The following STK32A variants were observed in gnomAD, a reference collection of about 807,000 sequenced individuals.
STK32A encodes the protein serine/threonine-protein kinase 32A.
Under a neutral mutation model 53.2 loss-of-function variants are expected in STK32A, and 41 were observed. The ratio of observed to expected loss-of-function variants is 0.77; its 90% confidence interval spans 0.60 to 1.00. STK32A has a LOEUF of 1.00. Among genes scored for constraint, STK32A ranks in the 50% least tolerant of loss-of-function variants. STK32A has a pLI of 0.00. For missense variants in STK32A, 458 were observed against 485.8 expected (o/e 0.94, Z 0.54); for synonymous variants, 166 against 162.8 (o/e 1.02, Z -0.15).
chr5:147,263,104 G>A (rs548650693), intron 2 of STK32A, among the ~76,000 whole-genome samples: 44 of 152,184 alleles, frequency 2.9e-4, no homozygotes, highest in Non-Finnish European at 5.4e-4. Context: ...TGGAGGGATC[G>A]GGTAGATAAA....
chr5:147,326,106 C>T (rs1754574188), intron 5 of STK32A, among the ~76,000 whole-genome samples: 3 of 152,166 alleles, frequency 2.0e-5, no homozygotes, highest in African/African-American at 7.2e-5. Flanking sequence ...GAGGGAAAAA[C>T]AACAACAAAA....
chr5:147,279,129 A>G (rs1038867987), intron 3 of STK32A, 118 bp from the exon 4 acceptor site: 1 of 877,514 alleles, frequency 1.1e-6, no homozygotes, highest in Non-Finnish European at 1.6e-6. Context: ...TTTTAACATC[A>G]TATAATTTGC....
the STK32A span, among the ~76,000 whole-genome samples, chr5:147,400,459 A>T: frequency 6.6e-6 from 1 of 152,244 alleles, no homozygotes; most frequent in Non-Finnish European, 1.5e-5. Context: ...TCTGGTTCCT[A>T]GTCCTAACAG....
intron 4 of STK32A, among the ~76,000 whole-genome samples, chr5:147,294,676 TTTTTC>T: frequency 6.9e-6 from 1 of 145,890 alleles, no homozygotes; most frequent in East Asian, 2.1e-4. Flanking sequence ...AGTCATTTTT[TTTTTC>T]TTTTTTCTTT....
At chr5:147,339,840 C>T (rs531376737) in intron 5 of STK32A, among the ~76,000 whole-genome samples, 20 of 152,072 alleles carry the variant, frequency 1.3e-4, no homozygotes, top group African/African-American at 4.4e-4. Context: ...AGTGTATTTA[C>T]CCACTGCCTG....
chr5:147,307,209 CCTT>C (rs1355628671), intron 4 of STK32A, among the ~76,000 whole-genome samples: 2 of 151,866 alleles, frequency 1.3e-5, no homozygotes, highest in African/African-American at 4.8e-5. Flanking sequence ...CAATCTCTGA[CCTT>C]CTTTTTCACT....
chr5:147,335,483 G>A (rs1198069623), intron 5 of STK32A, among the ~76,000 whole-genome samples: 1 of 152,080 alleles, frequency 6.6e-6, no homozygotes, highest in Non-Finnish European at 1.5e-5. Context: ...TCCTCAGCTT[G>A]TTCCTCCATG....
rs757212067 is a variant in STK32A, at chr5:147,385,832, GTGTCACA to G, written c.*1850_*1856del. On this transcript the variant is annotated 3_prime_UTR_variant, in exon 13 of 13. Transcript: ENST00000397936. The stretch of plus-strand genomic sequence containing the variant: ...ACCTGTCCTTACTTATGGAGAGCAT[GTGTCACA>G]CCAAGATGGCAGTAAGCTGGCAACT... 1.3e-5 allele frequency: 2 copies of G among 152,202 alleles called. No individual in the cohort carries two copies. The highest frequency in any genetic ancestry group is 2.9e-5 in the Non-Finnish European group (2 of 68,042). The allele number at this position is 152,202 out of a possible 1,614,324, so 9.4% of individuals were successfully genotyped here. A position where few individuals can be genotyped will look rare whatever the true frequency, so the allele number is the denominator to read the frequency against.
At chr5:147,263,142 C>A (rs1349604043) in intron 2 of STK32A, among the ~76,000 whole-genome samples, 3 of 152,198 alleles carry the variant, frequency 2.0e-5, no homozygotes, top group Non-Finnish European at 4.4e-5. Flanking sequence ...GGCACCCAGC[C>A]TCCTCTTCCC....
At chr5:147,355,772 A>ATGTGTG (rs1181116539) in intron 7 of STK32A, among the ~76,000 whole-genome samples, 36 of 130,326 alleles carry the variant, frequency 2.8e-4, no homozygotes, top group Admixed American at 1.2e-3. Context: ...ATGTATATGT[A>ATGTGTG]TGTGTGTGAG....
chr5:147,362,280 C>T (rs972882798), intron 8 of STK32A, among the ~76,000 whole-genome samples: 3 of 152,176 alleles, frequency 2.0e-5, no homozygotes, highest in African/African-American at 7.2e-5. Context: ...GCTTAAATAA[C>T]AGACATCTAT....
At position 147,271,000 on chromosome 5, in the gene STK32A, A is replaced by AT. The variant is rs10590732; in HGVS notation, c.53-7109dup. ...AAAGTAGTTTTGGTAATCATAGATA[A>AT]TTTTTTTTTTTTTTTGACGGTGTCT... On this transcript the variant is annotated intron_variant, in intron 2 of 12. Transcript: ENST00000397936. 8.4e-3 allele frequency among the ~76,000 whole-genome samples: 1,247 copies of AT among 148,596 alleles called. 20 individuals are homozygous for AT. The highest frequency in any genetic ancestry group is 0.027 in the African/African-American group (1,092 of 40,450).
intron 4 of STK32A, among the ~76,000 whole-genome samples, chr5:147,316,124 T>C (rs1269849649): frequency 6.6e-6 from 1 of 152,122 alleles, no homozygotes; most frequent in Non-Finnish European, 1.5e-5. Context: ...GTTGATACTG[T>C]TATTTTGAAA....
chr5:147,317,560 C>T (rs1393978572), intron 4 of STK32A, among the ~76,000 whole-genome samples: 1 of 151,896 alleles, frequency 6.6e-6, no homozygotes, highest in East Asian at 1.9e-4. Flanking sequence ...CTCCTGACCT[C>T]GTGATCCACC....
chr5:147,393,005 T>C, the STK32A span: 1 of 152,174 alleles, frequency 6.6e-6, no homozygotes, highest in East Asian at 1.9e-4. Context: ...ATCGAGAGAA[T>C]CAAACACAAA....
chr5:147,374,987 G>T, intron 10 of STK32A, 103 bp from the exon 11 acceptor site: 1 of 1,043,192 alleles, frequency 9.6e-7, no homozygotes, highest in Non-Finnish European at 1.3e-6. Context: ...TATTATTCAT[G>T]GACTGCTCCG....
intron 5 of STK32A, among the ~76,000 whole-genome samples, chr5:147,327,543 C>G (rs2151979785): frequency 6.6e-6 from 1 of 152,286 alleles, no homozygotes; most frequent in Admixed American, 6.5e-5. Context: ...GTAGAAGATT[C>G]AAAATTACCC....
chr5:147,258,155 AC>A (rs1045940552), intron 2 of STK32A, among the ~76,000 whole-genome samples: 2 of 149,248 alleles, frequency 1.3e-5, no homozygotes, highest in African/African-American at 5.0e-5. Flanking sequence ...ACTCTTTTTA[AC>A]CTTTTATAAT....
chr5:147,286,754 A>T (rs988757388), intron 4 of STK32A, among the ~76,000 whole-genome samples: 3 of 152,084 alleles, frequency 2.0e-5, no homozygotes, highest in Non-Finnish European at 4.4e-5. Context: ...TTTTATTGTC[A>T]CTAACAAATA....
Sources: allele counts gnomAD v4.1 joint callset (sites outside exome capture counted in the v4.1 genomes callset), GRCh38; gene constraint gnomAD v4.1.1; transcripts MANE v1.5; gene names NCBI Gene and HGNC (gene_info 2026-07-23, HGNC 2026-07-21).